The following TBXAS1 variants were observed in gnomAD, a reference collection of about 807,000 sequenced individuals.
The protein encoded by TBXAS1 is thromboxane A synthase 1, also known as thromboxane-A synthase.
In TBXAS1, 48 loss-of-function variants were observed where a neutral mutation model predicts 60.7. The observed-to-expected ratio is 0.79, with a 90% CI of 0.63 to 1.01. TBXAS1 has a LOEUF of 1.01. Ranked by LOEUF, TBXAS1 falls within the 50% of genes least tolerant of loss-of-function variation. The pLI is 0.00. For missense variants in TBXAS1, 685 were observed against 686.3 expected (o/e 1.00, Z 0.02); for synonymous variants, 287 against 269.7 (o/e 1.06, Z -0.63).
chr7:139,833,197 C>T (rs1185819800), intron 1 of TBXAS1, among the ~76,000 whole-genome samples: 2 of 152,194 alleles, frequency 1.3e-5, no homozygotes, highest in Admixed American at 1.3e-4. Flanking sequence ...AGATACAGAA[C>T]TGCAGAATGG....
chr7:139,945,886 C>T (rs948395601), intron 5 of TBXAS1, among the ~76,000 whole-genome samples: 1 of 152,174 alleles, frequency 6.6e-6, no homozygotes, highest in Non-Finnish European at 1.5e-5. Context: ...GAAGGCTTGA[C>T]TGGGGGAAGA....
chr7:139,987,084 G>C (rs1812546027), intron 9 of TBXAS1, among the ~76,000 whole-genome samples: 1 of 152,058 alleles, frequency 6.6e-6, no homozygotes, highest in African/African-American at 2.4e-5. Context: ...CACTCTGCCT[G>C]GGTCTCTGTC....
At position 139,962,387 on chromosome 7, in the gene TBXAS1, C is replaced by T. The variant is rs756053614; in HGVS notation, c.1134+154C>T. The T allele has an allele frequency of 1.2e-4, 108 of 914,102 alleles. 3 individuals carry two copies. Among genetic ancestry groups the T allele is most frequent in the South Asian group, 7.7e-4 (50 of 65,158 alleles). 56.6% of individuals were successfully genotyped at this position (914,102 alleles called of 1,614,324 possible). A position where few individuals can be genotyped will look rare whatever the true frequency, so the allele number is the denominator to read the frequency against. Reference sequence around the variant, plus strand: ...TCATTGCTTGGCTTCTCCTGCTCTCCGGGTTAGCAAGCGAAATGAAATGTT... The same window carrying T: ...TCATTGCTTGGCTTCTCCTGCTCTCTGGGTTAGCAAGCGAAATGAAATGTT... On this transcript the variant is annotated intron_variant, in intron 9 of 12. Coordinates refer to ENST00000448866, the MANE Select transcript of TBXAS1 (RefSeq NM_001061.7).
At chr7:139,832,248 AATAG>A (rs1798754192) in intron 1 of TBXAS1, among the ~76,000 whole-genome samples, 1 of 152,178 alleles carries the variant, frequency 6.6e-6, no homozygotes. Flanking sequence ...TATTCAATGA[AATAG>A]ATAGCTTAAA....
At chr7:139,978,221 A>G (rs1811697988) in intron 9 of TBXAS1, among the ~76,000 whole-genome samples, 1 of 152,188 alleles carries the variant, frequency 6.6e-6, no homozygotes, top group South Asian at 2.1e-4. Context: ...GATAGAAATA[A>G]TAAGAGGCCA....
At chr7:139,963,805 G>C (rs1395882023) in intron 9 of TBXAS1, among the ~76,000 whole-genome samples, 1 of 152,170 alleles carries the variant, frequency 6.6e-6, no homozygotes, top group East Asian at 1.9e-4. Context: ...ATTTAATTGA[G>C]CAGCTCAGGA....
At chr7:139,964,242 C>T (rs1022007986) in intron 9 of TBXAS1, among the ~76,000 whole-genome samples, 1 of 152,192 alleles carries the variant, frequency 6.6e-6, no homozygotes, top group African/African-American at 2.4e-5. Flanking sequence ...TTCACCACCA[C>T]AACTGGCTAA....
chr7:139,975,430 T>C lies in TBXAS1; in HGVS notation c.1134+13197T>C, dbSNP rs1811493427. Among the ~76,000 whole-genome samples the C allele has an allele frequency of 6.6e-6, 1 of 152,174 alleles. No homozygotes were observed. On this transcript the variant is annotated intron_variant, in intron 9 of 12. Coordinates refer to ENST00000448866, the MANE Select transcript of TBXAS1 (RefSeq NM_001061.7). The surrounding 1 kb of genome is among the most constrained non-coding windows in gnomAD (Gnocchi z 4.4). Reference sequence around the variant, plus strand: ...TTGTCTCTAATATTCCATGATTCCATGGTTCTGATGCCATTCCTCAGCGCT... The same window carrying C: ...TTGTCTCTAATATTCCATGATTCCACGGTTCTGATGCCATTCCTCAGCGCT...
chr7:139,998,760 G>A (rs1036813060), intron 9 of TBXAS1, among the ~76,000 whole-genome samples: 3 of 152,212 alleles, frequency 2.0e-5, no homozygotes, highest in African/African-American at 7.2e-5. Flanking sequence ...AGCCATCATG[G>A]AGAAGACTGA....
chr7:139,794,606 T>G (rs1346231711), intron 4 of TBXAS1, among the ~76,000 whole-genome samples: 2 of 151,682 alleles, frequency 1.3e-5, no homozygotes, highest in Non-Finnish European at 2.9e-5. Context: ...GCTGATGCAC[T>G]GCACCCACTA....
rs1569519415 is a variant in TBXAS1, at chr7:139,957,710, T to A, written c.765T>A (p.Phe255Leu). 4 of 1,614,198 alleles carry A rather than the reference T, an allele frequency of 2.5e-6. No individual in the cohort carries two copies. Among genetic ancestry groups the A allele is most frequent in the Middle Eastern group, 1.6e-4 (1 of 6,062 alleles). ...ACCGAGACGAACTGAATGGCTTTTT[T>A]AACAAACTCATTAGGAATGTGATTG... is the stretch of plus-strand genomic sequence containing the variant. ...NKNRDELNGF[F>L]NKLIRNVIAL... The change falls in exon 8 of 13, where the codon TTT (phenylalanine) becomes TTA (leucine). Residue 255 changes from phenylalanine to leucine, a missense_variant. Phe to Leu is a conservative substitution (Grantham distance 22). Transcript: ENST00000448866.
intron 8 of TBXAS1, 63 bp from the exon 9 acceptor site, chr7:139,961,856 A>G (rs1810374306): frequency 6.3e-7 from 1 of 1,597,726 alleles, no homozygotes; most frequent in Non-Finnish European, 8.6e-7. Flanking sequence ...TTTGTTCTCC[A>G]GGAAGCCTCA....
intron 4 of TBXAS1, among the ~76,000 whole-genome samples, chr7:139,796,055 C>G (rs1797560719): frequency 6.6e-6 from 1 of 152,056 alleles, no homozygotes; most frequent in Admixed American, 6.6e-5. Flanking sequence ...ATCATGTTCC[C>G]CTGAAAACAT....
At chr7:139,890,173 C>T (rs115743764) in intron 3 of TBXAS1, among the ~76,000 whole-genome samples, 4,086 of 149,658 alleles carry the variant, frequency 0.027, 179 homozygotes, top group African/African-American at 0.095. Flanking sequence ...CAATGTCCTT[C>T]GACAATCTCC....
intron 1 of TBXAS1, among the ~76,000 whole-genome samples, chr7:139,854,261 C>T (rs1800429945): frequency 1.3e-5 from 2 of 152,130 alleles, no homozygotes; most frequent in South Asian, 4.1e-4. Context: ...GGTGAAACGA[C>T]ATGGCGTAAC....
chr7:139,799,735 G>A (rs1292862091), intron 4 of TBXAS1, among the ~76,000 whole-genome samples: 2 of 152,076 alleles, frequency 1.3e-5, no homozygotes, highest in South Asian at 2.1e-4. Flanking sequence ...TTAAGCCCAG[G>A]TCCTCATTTA....
intron 1 of TBXAS1, among the ~76,000 whole-genome samples, chr7:139,858,098 C>T (rs1800708152): frequency 6.6e-6 from 1 of 152,194 alleles, no homozygotes; most frequent in Non-Finnish European, 1.5e-5. Flanking sequence ...GTAGAACACA[C>T]TCCATTTTAA....
intron 4 of TBXAS1, among the ~76,000 whole-genome samples, chr7:139,925,534 T>C (rs889683888): frequency 2.0e-5 from 3 of 152,206 alleles, no homozygotes; most frequent in African/African-American, 7.2e-5. Context: ...TGAGATCTAA[T>C]AGCTTTTCGG....
At chr7:139,923,314 G>T (rs1052578910) in intron 4 of TBXAS1, among the ~76,000 whole-genome samples, 5 of 152,014 alleles carry the variant, frequency 3.3e-5, no homozygotes, top group African/African-American at 1.2e-4. Flanking sequence ...GCAACAGAGC[G>T]AGACCCTGTC....
Sources: gnomAD v4.1 joint callset for allele counts (sites outside exome capture counted in the v4.1 genomes callset) on GRCh38, gnomAD v4.1.1 for gene constraint, Gnocchi (gnomAD v3.1) non-coding constraint, MANE v1.5 for transcripts, NCBI Gene and HGNC (gene_info 2026-07-23, HGNC 2026-07-21) for gene names.